The following BOLL variants were observed in gnomAD, a reference collection of about 807,000 sequenced individuals.
BOLL encodes boule RNA binding protein, also known as protein boule-like.
A neutral mutation model predicts 44.4 loss-of-function variants in BOLL; 23 were observed. That is an observed-to-expected ratio of 0.52 (90% CI 0.37 to 0.73). BOLL has a LOEUF of 0.73. Among genes scored for constraint, BOLL ranks in the 30% least tolerant of loss-of-function variants. The pLI, the probability that BOLL is intolerant of heterozygous loss-of-function variation, is 0.00. For synonymous variants in BOLL, 97 were observed against 110.8 expected, an observed-to-expected ratio of 0.88 and a Z score of 0.78; for missense variants, 287 against 338.3, an observed-to-expected ratio of 0.85 and a Z score of 1.19.
At chr2:197,749,918 TGGGAA>T (rs1173871235) in intron 9 of BOLL, among the ~76,000 whole-genome samples, 8 of 150,108 alleles carry the variant, frequency 5.3e-5, no homozygotes, top group African/African-American at 1.9e-4. Flanking sequence ...AAGAGTTTGG[TGGGAA>T]GCCCACCAAA....
intron 5 of BOLL, 121 bp downstream of exon 5, chr2:197,775,544 C>T (rs1689471433): frequency 2.9e-6 from 2 of 678,730 alleles, no homozygotes; most frequent in African/African-American, 1.9e-5. Context: ...ACCAACTTTG[C>T]TAAAATAACT....
intron 10 of BOLL, among the ~76,000 whole-genome samples, chr2:197,731,040 C>G (rs1687142782): frequency 6.6e-6 from 1 of 151,960 alleles, no homozygotes; most frequent in Non-Finnish European, 1.5e-5. Flanking sequence ...AGAGTCAAGA[C>G]CCATCAGTGT....
intron 7 of BOLL, among the ~76,000 whole-genome samples, chr2:197,760,408 C>T (rs1688700603): frequency 6.6e-6 from 1 of 152,244 alleles, no homozygotes; most frequent in Non-Finnish European, 1.5e-5. Flanking sequence ...GATGCACCCC[C>T]AGGCCAGCGA....
intron 7 of BOLL, among the ~76,000 whole-genome samples, chr2:197,763,220 C>T (rs537367671): frequency 1.3e-4 from 20 of 152,176 alleles, no homozygotes; most frequent in Non-Finnish European, 2.5e-4. Flanking sequence ...CGGTGGCTGA[C>T]GCCTGTAATC....
At chr2:197,767,839 A>G (rs1689064386) in intron 6 of BOLL, among the ~76,000 whole-genome samples, 1 of 152,024 alleles carries the variant, frequency 6.6e-6, no homozygotes, top group Admixed American at 6.6e-5. Flanking sequence ...CTATATATGT[A>G]TGTATACATG....
In BOLL at chr2:197,728,467, C is replaced by G. The variant is rs370714082; in HGVS notation, c.*88G>C. The G allele has an allele frequency of 1.1e-5, 17 of 1,603,698 alleles. No homozygotes were observed. Among genetic ancestry groups the G allele is most frequent in the Non-Finnish European group, 1.5e-5 (17 of 1,170,878 alleles). On this transcript the variant is annotated 3_prime_UTR_variant, in exon 11 of 11. Transcript: ENST00000392296. Reference sequence around the variant, plus strand: ...CACTAAGTTTCACAACGGGCAGCTTCTAGCTGGTTCGTTGAAGCTGGATCT... The same window carrying G: ...CACTAAGTTTCACAACGGGCAGCTTGTAGCTGGTTCGTTGAAGCTGGATCT...
chr2:197,770,738 C>A (rs981088854), intron 6 of BOLL, among the ~76,000 whole-genome samples: 2 of 152,108 alleles, frequency 1.3e-5, no homozygotes, highest in African/African-American at 4.8e-5. Flanking sequence ...CCAAAAGACA[C>A]ATGAAAAAAT....
At chr2:197,733,978 C>A (rs867448868) in intron 10 of BOLL, among the ~76,000 whole-genome samples, 2,446 of 151,740 alleles carry the variant, frequency 0.016, 70 homozygotes, top group African/African-American at 0.055. Flanking sequence ...TAATTAAACT[C>A]AAGAGCTTCT....
intron 10 of BOLL, among the ~76,000 whole-genome samples, chr2:197,733,851 T>C (rs1687338447): frequency 6.6e-6 from 1 of 152,094 alleles, no homozygotes; most frequent in Non-Finnish European, 1.5e-5. Context: ...CGTAAAACCA[T>C]AAAAACCCTA....
chr2:197,777,150 T>A (rs1689551549), intron 3 of BOLL, 37 bp from the exon 4 acceptor site: 1 of 1,332,904 alleles, frequency 7.5e-7, no homozygotes, highest in Admixed American at 2.1e-5. Flanking sequence ...ATTAATCATT[T>A]TCTTAGAATG....
chr2:197,758,624 G>C (rs1197622549), intron 7 of BOLL, among the ~76,000 whole-genome samples: 3 of 152,138 alleles, frequency 2.0e-5, no homozygotes, highest in Non-Finnish European at 2.9e-5. Context: ...CAGGCTGCTG[G>C]CTGGAGTTTG....
chr2:197,743,349 T>C (rs1382668825), intron 9 of BOLL, among the ~76,000 whole-genome samples, 190 bp from the exon 10 acceptor site: 1 of 152,220 alleles, frequency 6.6e-6, no homozygotes, highest in Non-Finnish European at 1.5e-5. Flanking sequence ...TAACTTGTAA[T>C]CTGATGAGGG....
chr2:197,766,266 T>C (rs565408113), intron 7 of BOLL, among the ~76,000 whole-genome samples: 2 of 152,080 alleles, frequency 1.3e-5, no homozygotes, highest in Non-Finnish European at 2.9e-5. Context: ...CTTTCCACAA[T>C]GGTTGAACTA....
chr2:197,784,262 A>C (rs558733565), intron 1 of BOLL, among the ~76,000 whole-genome samples: 5 of 151,746 alleles, frequency 3.3e-5, no homozygotes, highest in African/African-American at 7.3e-5. Context: ...AAGTACTGAC[A>C]GTACACAGCA....
chr2:197,743,053 T>C lies in BOLL; in HGVS notation c.828+8A>G. Reference sequence around the variant, plus strand: ...AAACAAAGTAAAAAGTCAAAACAAATTTCTTACTTTAATTGGCTCAGGCTG... The same window carrying C: ...AAACAAAGTAAAAAGTCAAAACAAACTTCTTACTTTAATTGGCTCAGGCTG... On this transcript the variant is annotated splice_region_variant and intron_variant, in intron 10 of 10. Transcript: ENST00000392296. 6.5e-7 allele frequency: 1 copy of C among 1,548,372 alleles called. No individual in the cohort carries two copies. The highest frequency in any genetic ancestry group is 8.7e-7 in the Non-Finnish European group (1 of 1,147,746).
At chr2:197,768,375 A>C (rs1349043834) in intron 6 of BOLL, among the ~76,000 whole-genome samples, 1 of 151,986 alleles carries the variant, frequency 6.6e-6, no homozygotes, top group Non-Finnish European at 1.5e-5. Flanking sequence ...AAACAAACTG[A>C]ATTAAAAAAT....
chr2:197,732,718 T>A (rs979397966), intron 10 of BOLL, among the ~76,000 whole-genome samples: 37 of 149,704 alleles, frequency 2.5e-4, no homozygotes, highest in Non-Finnish European at 4.3e-4. Context: ...ACCACATGAT[T>A]ATCTGAATAG....
At chr2:197,780,256 A>T (rs529400240) in intron 2 of BOLL, among the ~76,000 whole-genome samples, 37 of 152,160 alleles carry the variant, frequency 2.4e-4, no homozygotes, top group South Asian at 2.3e-3. Context: ...TGAAAGGTTA[A>T]AAAGTCTGTG....
At chr2:197,764,833 A>G (rs1345039210) in intron 7 of BOLL, among the ~76,000 whole-genome samples, 1 of 152,174 alleles carries the variant, frequency 6.6e-6, no homozygotes, top group Non-Finnish European at 1.5e-5. Context: ...AAATGAATGT[A>G]ACTCCTACCC....
Sources: gnomAD v4.1 joint callset for allele counts (sites outside exome capture counted in the v4.1 genomes callset) on GRCh38, gnomAD v4.1.1 for gene constraint, MANE v1.5 for transcripts, NCBI Gene and HGNC (gene_info 2026-07-23, HGNC 2026-07-21) for gene names.